FLT1: variants seen among roughly 807,000 people sequenced by gnomAD.
FLT1 encodes the protein vascular endothelial growth factor receptor 1.
A neutral mutation model predicts 156.3 loss-of-function variants in FLT1; 49 were observed. The observed-to-expected ratio is 0.31, with a 90% CI of 0.25 to 0.40. The LOEUF is 0.40. Ranked by LOEUF, FLT1 falls within the 10% of genes least tolerant of loss-of-function variation. The pLI is 1.00. For missense variants in FLT1, 1,322 were observed against 1,637.2 expected (o/e 0.81, Z 3.32); for synonymous variants, 594 against 583.8 (o/e 1.02, Z -0.25).
chr13:28,384,448 CAA>C (rs79860949), intron 14 of FLT1, among the ~76,000 whole-genome samples: 762 of 60,254 alleles, frequency 0.013, no homozygotes, highest in Non-Finnish European at 0.02. Flanking sequence ...GACTCCATCT[CAA>C]AAAAAAAAAA....
At chr13:28,338,477 G>A (rs1872203249) in intron 17 of FLT1, among the ~76,000 whole-genome samples, 1 of 152,188 alleles carries the variant, frequency 6.6e-6, no homozygotes. Context: ...TGACGTCTGA[G>A]CTGGAGGAAC....
chr13:28,494,418 C>T (rs1762618560), intron 1 of FLT1, among the ~76,000 whole-genome samples: 1 of 152,194 alleles, frequency 6.6e-6, no homozygotes, highest in Non-Finnish European at 1.5e-5. Context: ...GCTCTGGGTG[C>T]CAGGCAGGTC....
At chr13:28,392,887 C>T (rs1375118589) in intron 12 of FLT1, among the ~76,000 whole-genome samples, 1 of 152,186 alleles carries the variant, frequency 6.6e-6, no homozygotes, top group Non-Finnish European at 1.5e-5. Flanking sequence ...TGTTATCAGA[C>T]AGCCTTTTAG....
chr13:28,330,888 A>C (rs1871906604), intron 18 of FLT1, among the ~76,000 whole-genome samples: 1 of 151,590 alleles, frequency 6.6e-6, no homozygotes, highest in South Asian at 2.1e-4. Flanking sequence ...TAATTTTTGT[A>C]TTTTTAGTAG....
Position 28,467,571 on chromosome 13 carries a change from T to C in FLT1, c.111A>G (p.Lys37=), listed in dbSNP as rs2137623962. The C allele has an allele frequency of 6.2e-7, 1 of 1,609,200 alleles. No homozygotes were observed. Among genetic ancestry groups the C allele is most frequent in the African/African-American group, 1.3e-5 (1 of 74,882 alleles). ...SKLKDPELSL[K]GTQHIMQAGQ... ...CTGCTTGCATGATGTGCTGGGTGCCTTTTAAACTCAGTTCAGGATCTTTTA... is the reference window on the plus strand; with the variant it reads ...CTGCTTGCATGATGTGCTGGGTGCCCTTTAAACTCAGTTCAGGATCTTTTA... Residue 37 remains lysine (K), a synonymous_variant, in exon 2 of 30, where the codon AAA becomes AAG. Coordinates refer to ENST00000282397, the MANE Select transcript of FLT1 (RefSeq NM_002019.4).
intron 16 of FLT1, among the ~76,000 whole-genome samples, chr13:28,344,020 C>T (rs531435595): frequency 3.9e-4 from 59 of 151,636 alleles, no homozygotes; most frequent in African/African-American, 1.1e-3. Context: ...CCCCACCACC[C>T]GGGTCCATTC....
Position 28,312,053 on chromosome 13 carries a change from C to T in FLT1, c.3432G>A (p.Arg1144=). 1 of 1,613,990 alleles carries T rather than the reference C, an allele frequency of 6.2e-7. No homozygotes were observed. Among genetic ancestry groups the T allele is most frequent in the Non-Finnish European group, 8.5e-7 (1 of 1,179,978 alleles). ...LDCWHRDPKE[R]PRFAELVEKL... ...TTTCCACAAGTTCTGCAAATCTTGG[C>T]CTTTCTTTTGGGTCTCTGTGCCAGC... Residue 1144 remains arginine, a synonymous_variant, in exon 26 of 30, where the codon AGG becomes AGA. Coordinates refer to ENST00000282397, the MANE Select transcript of FLT1 (RefSeq NM_002019.4).
intron 12 of FLT1, among the ~76,000 whole-genome samples, chr13:28,390,315 G>T (rs1593736493): frequency 6.6e-6 from 1 of 152,208 alleles, no homozygotes; most frequent in African/African-American, 2.4e-5. Flanking sequence ...AAACAGAATA[G>T]TTATTAGGAT....
intron 1 of FLT1, among the ~76,000 whole-genome samples, chr13:28,489,411 A>T (rs1881352920): frequency 6.6e-6 from 1 of 152,214 alleles, no homozygotes; most frequent in Non-Finnish European, 1.5e-5. Context: ...GACAGCTAAG[A>T]CATGGGGTCT....
chr13:28,388,935 C>T (rs761602038), intron 13 of FLT1: 3 of 1,064,886 alleles, frequency 2.8e-6, no homozygotes, highest in Non-Finnish European at 3.4e-6. Flanking sequence ...CAGTCAGAGA[C>T]AGCAAGGAGC....
chr13:28,413,664 A>T (rs1017471924), intron 10 of FLT1, among the ~76,000 whole-genome samples: 2 of 152,222 alleles, frequency 1.3e-5, no homozygotes, highest in Non-Finnish European at 2.9e-5. Context: ...TTCAAGAAGG[A>T]GGCTTAAAAT....
At chr13:28,344,629 C>T (rs1360092710) in intron 16 of FLT1, among the ~76,000 whole-genome samples, 3 of 152,078 alleles carry the variant, frequency 2.0e-5, no homozygotes, top group Non-Finnish European at 2.9e-5. Context: ...AGAAGCAGAT[C>T]ATATTACAGA....
intron 29 of FLT1, among the ~76,000 whole-genome samples, chr13:28,305,724 G>T (rs1450644986): frequency 2.0e-5 from 3 of 152,212 alleles, no homozygotes; most frequent in African/African-American, 7.2e-5. Flanking sequence ...GGATGGCTTT[G>T]AGTGCAGCCC....
At chr13:28,437,246 A>G (rs941558163) in intron 4 of FLT1, among the ~76,000 whole-genome samples, 1 of 152,190 alleles carries the variant, frequency 6.6e-6, no homozygotes, top group African/African-American at 2.4e-5. Flanking sequence ...CTGATGGACT[A>G]TGTTGAAGGC....
chr13:28,408,668 G>A (rs931266142), intron 10 of FLT1, among the ~76,000 whole-genome samples: 2 of 152,098 alleles, frequency 1.3e-5, no homozygotes, highest in African/African-American at 4.8e-5. Context: ...GGAAAGCAGC[G>A]TTCGCTCCTG....
chr13:28,306,094 G>A (rs1345986555), intron 29 of FLT1, among the ~76,000 whole-genome samples: 3 of 152,218 alleles, frequency 2.0e-5, no homozygotes, highest in Non-Finnish European at 4.4e-5. Context: ...CAGAGAAGCT[G>A]CAGTGGCATT....
At chr13:28,437,418 G>A (rs893634088) in intron 4 of FLT1, among the ~76,000 whole-genome samples, 3 of 152,146 alleles carry the variant, frequency 2.0e-5, no homozygotes, top group Non-Finnish European at 2.9e-5. Flanking sequence ...CTTCCTGAGT[G>A]CCTGCTCTGT....
chr13:28,405,808 C>G lies in FLT1; in HGVS notation c.1523G>C (p.Arg508Pro). The change falls in exon 11 of 30, where the codon CGC becomes CCC. Residue 508 changes from arginine to proline, a missense_variant. Arg to Pro is a moderately radical substitution (Grantham distance 103). This residue lies in a region of FLT1 where 991 missense variants were observed against 1,254.8 expected (regional missense o/e 0.79). Coordinates refer to ENST00000282397, the MANE Select transcript of FLT1 (RefSeq NM_002019.4). ...ATTCTTTCCTTCTATTATTGCCATG[C>G]GCTGAGTGATGCTCTCAATTCTGTT... is the stretch of plus-strand genomic sequence containing the variant. ...MGNRIESITQ[R>P]MAIIEGKNKM... 1 of 1,600,774 alleles carries G rather than the reference C, an allele frequency of 6.2e-7. No homozygotes were observed. The highest frequency in any genetic ancestry group is 8.6e-7 in the Non-Finnish European group (1 of 1,168,508).
chr13:28,418,314 C>T lies in FLT1; in HGVS notation c.1436+8845G>A, dbSNP rs117306197. Among the ~76,000 whole-genome samples, 1,520 of 152,216 alleles carry T rather than the reference C, an allele frequency of 1.0e-2. 10 individuals carry two copies. Among genetic ancestry groups the T allele is most frequent in the Admixed American group, 0.015 (223 of 15,292 alleles). ...TCTCAAAGATATCATGAAATTTGAG[C>T]CCAATTCACCTATTTGCTGCTCGTC... On this transcript the variant is annotated intron_variant, in intron 10 of 29. Coordinates refer to ENST00000282397, the MANE Select transcript of FLT1 (RefSeq NM_002019.4).
Sources: allele counts gnomAD v4.1 joint callset (sites outside exome capture counted in the v4.1 genomes callset), GRCh38; gene constraint gnomAD v4.1.1; regional missense constraint gnomAD v4.1.1; transcripts MANE v1.5; gene names NCBI Gene and HGNC (gene_info 2026-07-23, HGNC 2026-07-21).